The following NEK5 variants were observed in gnomAD, a reference collection of about 807,000 sequenced individuals.
NEK5 encodes the protein serine/threonine-protein kinase Nek5.
A neutral mutation model predicts 109.2 loss-of-function variants in NEK5; 88 were observed. The ratio of observed to expected loss-of-function variants is 0.81; its 90% CI spans 0.68 to 0.96. The LOEUF (loss-of-function observed/expected upper bound fraction) is 0.96, where lower values mean the gene tolerates loss of function less well. NEK5 is among the 40% of genes least tolerant of loss of function. NEK5 has a pLI of 0.00. For missense variants in NEK5, 834 were observed against 920.7 expected, an observed-to-expected ratio of 0.91 and a Z score of 1.22; for synonymous variants, 283 against 299.9, an observed-to-expected ratio of 0.94 and a Z score of 0.58.
intron 19 of NEK5, among the ~76,000 whole-genome samples, chr13:52,074,876 C>T (rs1295082005): frequency 6.6e-6 from 1 of 152,078 alleles, no homozygotes; most frequent in African/African-American, 2.4e-5. Flanking sequence ...TAAAAGAATA[C>T]TCATCATCAC....
intron 7 of NEK5, 84 bp from the exon 8 acceptor site, chr13:52,108,488 A>G (rs573784628): frequency 1.5e-5 from 12 of 789,462 alleles, no homozygotes; most frequent in Admixed American, 6.9e-5. Flanking sequence ...GCAAGAAAAA[A>G]TGTGAAAATG....
chr13:52,051,614 T>G (rs937017711), intron 22 of NEK5, among the ~76,000 whole-genome samples: 6 of 152,186 alleles, frequency 3.9e-5, no homozygotes, highest in African/African-American at 1.2e-4. Flanking sequence ...GACGAGTCAC[T>G]GATAAAAGCT....
At chr13:52,058,007 A>C (rs1487402621) in intron 22 of NEK5, among the ~76,000 whole-genome samples, 1 of 152,174 alleles carries the variant, frequency 6.6e-6, no homozygotes, top group Non-Finnish European at 1.5e-5. Context: ...AGAGGAAGTC[A>C]AATTGTCTGT....
chr13:52,122,644 G>A (rs1433588369), intron 3 of NEK5, among the ~76,000 whole-genome samples: 1 of 152,160 alleles, frequency 6.6e-6, no homozygotes, highest in African/African-American at 2.4e-5. Flanking sequence ...GCATGCGCCT[G>A]TAGTCCCAGC....
intron 19 of NEK5, among the ~76,000 whole-genome samples, chr13:52,074,253 C>A (rs1954828872): frequency 6.6e-6 from 1 of 152,134 alleles, no homozygotes; most frequent in South Asian, 2.1e-4. Flanking sequence ...CTACAGTAAT[C>A]AAAACTGTAT....
chr13:52,056,529 T>C (rs984408426), intron 22 of NEK5, among the ~76,000 whole-genome samples: 9 of 146,960 alleles, frequency 6.1e-5, no homozygotes, highest in East Asian at 6.0e-4. Flanking sequence ...TATTCCAAAA[T>C]TGACCACATA....
intron 22 of NEK5, among the ~76,000 whole-genome samples, chr13:52,058,534 A>G (rs1263942921): frequency 6.2e-5 from 9 of 144,462 alleles, no homozygotes; most frequent in Middle Eastern, 3.5e-3. Context: ...GAGGCATCAC[A>G]CTACCTGACT....
intron 12 of NEK5, among the ~76,000 whole-genome samples, chr13:52,097,996 C>A (rs1304359917): frequency 6.6e-6 from 1 of 152,084 alleles, no homozygotes; most frequent in Non-Finnish European, 1.5e-5. Context: ...AGCACCTCCC[C>A]CTTTGCTCTC....
intron 12 of NEK5, among the ~76,000 whole-genome samples, chr13:52,098,240 T>C (rs1375190717): frequency 1.3e-5 from 2 of 151,036 alleles, no homozygotes; most frequent in Non-Finnish European, 2.9e-5. Context: ...CTAGCCTGGG[T>C]GACACAGCAG....
chr13:52,084,730 A>T (rs1043320505), intron 16 of NEK5, among the ~76,000 whole-genome samples: 4,850 of 124,722 alleles, frequency 0.039, 100 homozygotes, highest in Admixed American at 0.068. Flanking sequence ...AGAGAGAGAG[A>T]GAGTGAGAGA....
intron 4 of NEK5, among the ~76,000 whole-genome samples, chr13:52,113,346 C>A (rs374360873): frequency 5.3e-5 from 8 of 151,738 alleles, no homozygotes; most frequent in African/African-American, 1.9e-4. Context: ...TTTTCTTGAA[C>A]TGTAGTGAGT....
rs530142818 is a variant in NEK5 at position 52,065,290 on chromosome 13, GTC to G, written c.1975+192_1975+193del. ...CCTTTATATGTGCATGTCTAGAGTG[GTC>G]ATTTGTCCAGGATAATTAGCAGGCA... is the stretch of plus-strand genomic sequence containing the variant. On this transcript the variant is annotated intron_variant, in intron 21 of 23. Transcript: ENST00000684899. 25 of 778,954 alleles carry G rather than the reference GTC, an allele frequency of 3.2e-5. No homozygotes were observed. In the African/African-American group the frequency reaches 3.9e-4, roughly 12 times the overall value. 48.3% of individuals were successfully genotyped at this position (778,954 alleles called of 1,614,324 possible).
At chr13:52,103,708 G>A (rs1955589686) in intron 9 of NEK5, among the ~76,000 whole-genome samples, 1 of 152,182 alleles carries the variant, frequency 6.6e-6, no homozygotes, top group Admixed American at 6.5e-5. Flanking sequence ...CCAGGAGTCT[G>A]GAAGTTTGGC....
chr13:52,078,763 A>C (rs1435376973), intron 17 of NEK5, among the ~76,000 whole-genome samples: 1 of 152,128 alleles, frequency 6.6e-6, no homozygotes, highest in Non-Finnish European at 1.5e-5. Context: ...AGATGACATG[A>C]CCCTGGAGAG....
chr13:52,079,493 G>A (rs932711858), intron 17 of NEK5, among the ~76,000 whole-genome samples: 43 of 152,380 alleles, frequency 2.8e-4, no homozygotes, highest in African/African-American at 9.9e-4. Context: ...GTGGAGACGG[G>A]GTTTCGCTGT....
intron 20 of NEK5, among the ~76,000 whole-genome samples, chr13:52,070,752 AGG>A: frequency 6.6e-6 from 1 of 152,314 alleles, no homozygotes; most frequent in African/African-American, 2.4e-5. Context: ...TAGAGAATGA[AGG>A]GGAAATACTA....
intron 3 of NEK5, among the ~76,000 whole-genome samples, chr13:52,124,131 A>G (rs1366337117): frequency 6.6e-6 from 1 of 152,160 alleles, no homozygotes; most frequent in Non-Finnish European, 1.5e-5. Flanking sequence ...TCCTGTCTCT[A>G]AAAACAATTT....
At chr13:52,037,297 C>T in intron 23 of NEK5, 79 bp from the exon 24 acceptor site, 1 of 635,222 alleles carries the variant, frequency 1.6e-6, no homozygotes. Flanking sequence ...TTTCCCTTTT[C>T]TCCATCCCCA....
intron 3 of NEK5, 41 bp from the exon 4 acceptor site, chr13:52,119,456 T>C: frequency 9.1e-7 from 1 of 1,098,988 alleles, no homozygotes; most frequent in Non-Finnish European, 1.3e-6. Flanking sequence ...TAAAGCTAAC[T>C]TGGTTTCAAG....
Sources: gnomAD v4.1 joint callset for allele counts (sites outside exome capture counted in the v4.1 genomes callset) on GRCh38, gnomAD v4.1.1 for gene constraint, MANE v1.5 for transcripts, NCBI Gene and HGNC (gene_info 2026-07-23, HGNC 2026-07-21) for gene names.